Variants in SMU1 observed in about 807,000 individuals in gnomAD.
SMU1 encodes SMU1 DNA replication regulator and spliceosomal factor.
A neutral mutation model predicts 62.0 loss-of-function variants in SMU1; 2 were observed. The observed-to-expected ratio is 0.03, with a 90% CI of 0.01 to 0.10. The LOEUF is 0.10. Ranked by LOEUF, SMU1 falls within the 10% of genes least tolerant of loss-of-function variation. The probability of loss-of-function intolerance (pLI) is 1.00; values close to 1 mark genes in which losing one functional copy is unlikely to be tolerated. For synonymous variants in SMU1, 188 were observed against 212.4 expected (o/e 0.89, Z 1.00); for missense variants, 227 against 622.1 (o/e 0.36, Z 6.76).
chr9:33,059,635 C>T (rs990859436), intron 6 of SMU1, among the ~76,000 whole-genome samples: 6 of 147,622 alleles, frequency 4.1e-5, no homozygotes, highest in East Asian at 4.3e-4. Context: ...GATGGAGTTT[C>T]GCTCTTGTTG....
At chr9:33,061,028 T>C (rs1477432840) in intron 5 of SMU1, among the ~76,000 whole-genome samples, 1 of 152,230 alleles carries the variant, frequency 6.6e-6, no homozygotes, top group African/African-American at 2.4e-5. Context: ...TATTATTTTG[T>C]AAATAAACTT....
intron 3 of SMU1, among the ~76,000 whole-genome samples, chr9:33,069,443 G>A (rs1014457022): frequency 2.0e-4 from 30 of 152,168 alleles, no homozygotes; most frequent in African/African-American, 7.0e-4. Flanking sequence ...ATTATCCAGT[G>A]CCTATTAAGT....
rs1839315490 is a variant in SMU1, at chr9:33,057,466, A to G, written c.867+132T>C. ...TTGCTAAGATTACATAAGAAAAAGTAAAGTGATTAGCATAAAGCTGATGCT... is the reference window on the plus strand; with the variant it reads ...TTGCTAAGATTACATAAGAAAAAGTGAAGTGATTAGCATAAAGCTGATGCT... On this transcript the variant is annotated intron_variant, in intron 7 of 11. Transcript: ENST00000397149. 3.5e-6 allele frequency: 4 copies of G among 1,131,324 alleles called. No individual in the cohort carries two copies. The South Asian group carries it at 5.8e-5, about 17-fold the overall frequency. 70.1% of individuals were successfully genotyped at this position (1,131,324 alleles called of 1,614,324 possible).
chr9:33,073,810 A>C lies in SMU1; in HGVS notation c.27-4T>G. ...CTGCATAATAAGGCGGATCACACTGAAAGAAAACAAATCGTTCAGCTCAGG... is the reference window on the plus strand; with the variant it reads ...CTGCATAATAAGGCGGATCACACTGCAAGAAAACAAATCGTTCAGCTCAGG... On this transcript the variant is annotated splice_region_variant and splice_polypyrimidine_tract_variant and intron_variant, in intron 1 of 11. Coordinates refer to ENST00000397149, the MANE Select transcript of SMU1 (RefSeq NM_018225.3). The C allele has an allele frequency of 6.2e-7, 1 of 1,613,294 alleles. No individual in the cohort carries two copies. Among genetic ancestry groups the C allele is most frequent in the Non-Finnish European group, 8.5e-7 (1 of 1,179,320 alleles).
chr9:33,069,468 A>G (rs887227231), intron 3 of SMU1, among the ~76,000 whole-genome samples: 4 of 152,224 alleles, frequency 2.6e-5, no homozygotes, highest in Admixed American at 2.6e-4. Context: ...CTTCCTCCTG[A>G]GAAAATACTT....
intron 1 of SMU1, among the ~76,000 whole-genome samples, chr9:33,074,501 C>G (rs1313533631): frequency 2.0e-5 from 3 of 152,086 alleles, no homozygotes; most frequent in South Asian, 2.1e-4. Context: ...TCCCAGCTAC[C>G]TGGGAAGCTG....
At chr9:33,057,368 T>C (rs767677816) in intron 7 of SMU1, among the ~76,000 whole-genome samples, 15 of 152,314 alleles carry the variant, frequency 9.8e-5, no homozygotes, top group Non-Finnish European at 2.2e-4. Flanking sequence ...TAAGCAGATA[T>C]GAACTAAAGT....
At chr9:33,069,910 G>A (rs1839468114) in intron 3 of SMU1, among the ~76,000 whole-genome samples, 1 of 152,196 alleles carries the variant, frequency 6.6e-6, no homozygotes, top group African/African-American at 2.4e-5. Context: ...TGGACTGCTT[G>A]AGGCCAGGAC....
At chr9:33,070,077 A>T (rs528225790) in intron 3 of SMU1, among the ~76,000 whole-genome samples, 57 of 152,282 alleles carry the variant, frequency 3.7e-4, no homozygotes, top group African/African-American at 1.3e-3. Context: ...GTGAGCCGAG[A>T]TCACGCCACT....
chr9:33,067,509 T>G (rs1203749765), intron 4 of SMU1, among the ~76,000 whole-genome samples: 1 of 149,922 alleles, frequency 6.7e-6, no homozygotes, highest in Non-Finnish European at 1.5e-5. Context: ...TTTTTTTTTT[T>G]TTTTTTGAGA....
At chr9:33,047,515 G>C (rs1251655625) in intron 11 of SMU1, 124 bp from the exon 12 acceptor site, 1 of 627,984 alleles carries the variant, frequency 1.6e-6, no homozygotes, top group Admixed American at 3.4e-5. Context: ...AAATGGCATA[G>C]GAGAAAGATG....
intron 6 of SMU1, 72 bp downstream of exon 6, chr9:33,060,393 G>C (rs1839349642): frequency 2.3e-6 from 3 of 1,291,138 alleles, no homozygotes; most frequent in African/African-American, 1.5e-5. Context: ...ATCTGATTTA[G>C]AGGCCATAGG....
intron 6 of SMU1, among the ~76,000 whole-genome samples, chr9:33,058,700 T>A (rs2119433767): frequency 6.6e-6 from 1 of 152,026 alleles, no homozygotes; most frequent in Non-Finnish European, 1.5e-5. Flanking sequence ...ACCAACTTTA[T>A]CCCGCTAAAC....
chr9:33,044,919 C>T lies in SMU1; in HGVS notation c.*2374G>A, dbSNP rs1316351629. ...CCGCCCCCTAGTCCCTCCAGGAAGC[C>T]TTTCCCAACCCTTTCGCGTTAACTG... is the stretch of plus-strand genomic sequence containing the variant. On this transcript the variant is annotated 3_prime_UTR_variant, in exon 12 of 12. Coordinates refer to ENST00000397149, the MANE Select transcript of SMU1 (RefSeq NM_018225.3). The T allele has an allele frequency of 1.3e-5, 2 of 152,278 alleles. No homozygotes were observed. Among genetic ancestry groups the T allele is most frequent in the East Asian group, 3.8e-4 (2 of 5,198 alleles). 9.4% of individuals were successfully genotyped at this position (152,278 alleles called of 1,614,324 possible).
intron 11 of SMU1, 145 bp downstream of exon 11, chr9:33,047,960 AT>A (rs1839204532): frequency 1.5e-6 from 1 of 646,906 alleles, no homozygotes; most frequent in East Asian, 2.8e-5. Context: ...TACTTCTTGA[AT>A]TTGACATGGA....
chr9:33,060,644 C>T (rs1339004582), intron 5 of SMU1, 60 bp from the exon 6 acceptor site: 1 of 1,593,778 alleles, frequency 6.3e-7, no homozygotes, highest in African/African-American at 1.4e-5. Flanking sequence ...AAAACAATTC[C>T]TTTTTTAACC....
intron 10 of SMU1, among the ~76,000 whole-genome samples, chr9:33,050,733 G>A (rs1021219628): frequency 2.0e-4 from 30 of 151,940 alleles, no homozygotes; most frequent in Non-Finnish European, 3.2e-4. Flanking sequence ...GGCTGAGGCA[G>A]GAGAATCGCT....
chr9:33,062,189 A>G lies in SMU1; in HGVS notation c.502-12T>C. 6.2e-7 allele frequency: 1 copy of G among 1,606,582 alleles called. No individual in the cohort carries two copies. Among genetic ancestry groups the G allele is most frequent in the Non-Finnish European group, 8.5e-7 (1 of 1,177,640 alleles). On this transcript the variant is annotated splice_polypyrimidine_tract_variant and intron_variant, in intron 4 of 11. Transcript: ENST00000397149. ...TGCCACTTCAGTGCCTATGAGGAAA[A>G]AAAAAAATATAGCAATCTGTTCAGG...
At chr9:33,069,061 A>C in intron 3 of SMU1, 127 bp from the exon 4 acceptor site, 1 of 1,372,264 alleles carries the variant, frequency 7.3e-7, no homozygotes, top group Non-Finnish European at 9.6e-7. Context: ...CAGTTAAAGA[A>C]GGGATTAGTT....
Sources: gnomAD v4.1 joint callset for allele counts (sites outside exome capture counted in the v4.1 genomes callset) on GRCh38, gnomAD v4.1.1 for gene constraint, MANE v1.5 for transcripts, NCBI Gene and HGNC (gene_info 2026-07-23, HGNC 2026-07-21) for gene names.